SORCS3: variants seen among roughly 807,000 people sequenced by gnomAD.
SORCS3 encodes the protein VPS10 domain-containing receptor SorCS3.
In SORCS3, 57 loss-of-function variants were observed where a neutral mutation model predicts 146.3. That is an observed-to-expected ratio of 0.39 (90% CI 0.31 to 0.49). SORCS3 has a LOEUF of 0.49. Among genes scored for constraint, SORCS3 ranks in the 20% least tolerant of loss-of-function variants. The probability of loss-of-function intolerance (pLI) is 0.92; values close to 1 mark genes in which losing one functional copy is unlikely to be tolerated. For synonymous variants in SORCS3, 653 were observed against 618.5 expected (o/e 1.06, Z -0.83); for missense variants, 1,341 against 1,575.5 (o/e 0.85, Z 2.52).
chr10:105,199,489 C>A (rs894926301), intron 14 of SORCS3, among the ~76,000 whole-genome samples: 7 of 152,082 alleles, frequency 4.6e-5, no homozygotes, highest in African/African-American at 1.7e-4. Flanking sequence ...TAGGACTTTG[C>A]AGTTGGCAAA....
intron 20 of SORCS3, among the ~76,000 whole-genome samples, chr10:105,235,436 C>CTGTGTG (rs5787570): frequency 8.4e-4 from 119 of 141,298 alleles, no homozygotes; most frequent in South Asian, 1.4e-3. Context: ...AACTCTCAGA[C>CTGTGTG]TGTGTGTGTG....
chr10:104,949,203 CTA>C (rs1291003505), intron 3 of SORCS3, among the ~76,000 whole-genome samples: 2 of 152,044 alleles, frequency 1.3e-5, no homozygotes, highest in Non-Finnish European at 2.9e-5. Flanking sequence ...TTTAAAATTG[CTA>C]TGTTTGCTTT....
intron 1 of SORCS3, among the ~76,000 whole-genome samples, chr10:104,711,340 G>A (rs1344022190): frequency 6.6e-6 from 1 of 152,120 alleles, no homozygotes; most frequent in Non-Finnish European, 1.5e-5. Context: ...AATTTACTGC[G>A]GGCCATGCAC....
intron 3 of SORCS3, among the ~76,000 whole-genome samples, chr10:104,969,435 T>A (rs1388748374): frequency 6.6e-6 from 1 of 151,980 alleles, no homozygotes; most frequent in Non-Finnish European, 1.5e-5. Flanking sequence ...AGTTTCCTTA[T>A]CTGTAAAATA....
intron 23 of SORCS3, 89 bp downstream of exon 23, chr10:105,252,995 G>C: frequency 6.7e-7 from 1 of 1,483,944 alleles, no homozygotes. Flanking sequence ...AAGGGAGACA[G>C]GCTCTCTTCC....
At chr10:105,238,856 G>T (rs1052954262) in intron 20 of SORCS3, among the ~76,000 whole-genome samples, 5 of 152,046 alleles carry the variant, frequency 3.3e-5, no homozygotes, top group African/African-American at 1.2e-4. Flanking sequence ...TGGGAGTTTT[G>T]GTTTACTACC....
At chr10:105,228,366 TTCTC>T (rs199793941) in intron 20 of SORCS3, among the ~76,000 whole-genome samples, 376 of 151,706 alleles carry the variant, frequency 2.5e-3, no homozygotes, top group African/African-American at 7.5e-3. Flanking sequence ...CTTTCTTTCT[TTCTC>T]TCTTTTCTTT....
intron 23 of SORCS3, 104 bp from the exon 24 acceptor site, chr10:105,255,598 C>A: frequency 2.8e-6 from 2 of 725,262 alleles, no homozygotes; most frequent in Non-Finnish European, 2.4e-6. Context: ...CCTAATTGAA[C>A]CATGGTGACT....
rs563405714 is a variant in SORCS3, at chr10:104,718,048, C to T, written c.627+76094C>T. ...GTAATCCCAGCTACTCAGGAGACTG[C>T]GGCAGGAGAATCGCTTGAACCTGGG... On this transcript the variant is annotated intron_variant, in intron 1 of 26. Coordinates refer to ENST00000369701, the MANE Select transcript of SORCS3 (RefSeq NM_014978.3). Among the ~76,000 whole-genome samples the T allele has an allele frequency of 4.6e-5, 7 of 152,050 alleles. No homozygotes were observed. In the East Asian group the frequency reaches 9.7e-4, roughly 21 times the overall value.
At chr10:104,706,002 C>T (rs751849548) in intron 1 of SORCS3, among the ~76,000 whole-genome samples, 3 of 152,086 alleles carry the variant, frequency 2.0e-5, no homozygotes, top group Admixed American at 6.6e-5. Context: ...GAAGAGAAAT[C>T]TCTCTCCAAT....
chr10:105,255,173 C>A (rs1321010600), intron 23 of SORCS3, among the ~76,000 whole-genome samples: 2 of 121,654 alleles, frequency 1.6e-5, no homozygotes, highest in Non-Finnish European at 3.2e-5. Flanking sequence ...TGGGCGACAG[C>A]GAGACTCAGT....
chr10:105,030,201 C>A (rs1564738315), intron 4 of SORCS3, among the ~76,000 whole-genome samples: 2 of 152,174 alleles, frequency 1.3e-5, no homozygotes, highest in Admixed American at 6.5e-5. Context: ...AGTAAACATT[C>A]ATTATTGCTC....
intron 6 of SORCS3, among the ~76,000 whole-genome samples, chr10:105,095,862 G>T (rs573782864): frequency 1.3e-5 from 2 of 152,008 alleles, no homozygotes; most frequent in Non-Finnish European, 2.9e-5. Flanking sequence ...CAGAATTAAT[G>T]ATTTATTTAT....
intron 7 of SORCS3, 133 bp from the exon 8 acceptor site, chr10:105,139,264 A>G (rs2056078489): frequency 1.4e-6 from 1 of 711,284 alleles, no homozygotes; most frequent in Non-Finnish European, 2.5e-6. Context: ...TTAGAGACCC[A>G]AAGCCAGCAA....
At chr10:104,729,295 C>T (rs2016679743) in intron 1 of SORCS3, among the ~76,000 whole-genome samples, 1 of 152,146 alleles carries the variant, frequency 6.6e-6, no homozygotes, top group South Asian at 2.1e-4. Context: ...TCTAGATTAC[C>T]CCAGGCTCAA....
chr10:104,840,702 T>C (rs972397494), intron 1 of SORCS3, among the ~76,000 whole-genome samples: 6 of 131,734 alleles, frequency 4.6e-5, no homozygotes, highest in Non-Finnish European at 8.2e-5. Context: ...TTAGAAGCTC[T>C]GCTAATTAAG....
At chr10:104,870,220 C>T (rs940131885) in intron 2 of SORCS3, among the ~76,000 whole-genome samples, 1 of 152,108 alleles carries the variant, frequency 6.6e-6, no homozygotes, top group Non-Finnish European at 1.5e-5. Flanking sequence ...ATTAATATTT[C>T]TTTCTTTCAT....
At chr10:105,163,706 G>C (rs148577200) in intron 11 of SORCS3, among the ~76,000 whole-genome samples, 7 of 152,180 alleles carry the variant, frequency 4.6e-5, no homozygotes, top group African/African-American at 1.7e-4. Context: ...GCATAAGCCA[G>C]GTGACTTGTT....
chr10:104,646,493 C>A (rs1364907837), intron 1 of SORCS3, among the ~76,000 whole-genome samples: 2 of 152,184 alleles, frequency 1.3e-5, no homozygotes, highest in Non-Finnish European at 2.9e-5. Flanking sequence ...ACTGGATGAT[C>A]TGTGGGCCCT....
Sources: gnomAD v4.1 joint callset for allele counts (sites outside exome capture counted in the v4.1 genomes callset) on GRCh38, gnomAD v4.1.1 for gene constraint, MANE v1.5 for transcripts, NCBI Gene and HGNC (gene_info 2026-07-23, HGNC 2026-07-21) for gene names.